The following PKIB variants were observed in gnomAD, a reference collection of about 807,000 sequenced individuals.
PKIB encodes PKI-beta.
PKIB carries 2 observed loss-of-function variants against 4.5 expected under a neutral mutation model. That is an observed-to-expected ratio of 0.44 (90% CI 0.18 to 1.39). PKIB has a LOEUF of 1.39. PKIB is among the 40% of genes most tolerant of loss of function. The probability of loss-of-function intolerance (pLI) is 0.27; values close to 1 mark genes in which losing one functional copy is unlikely to be tolerated. For synonymous variants in PKIB, 38 were observed against 36.0 expected (o/e 1.06, Z -0.20); for missense variants, 94 against 92.6 (o/e 1.02, Z -0.06).
At chr6:122,575,730 G>A (rs1337629616) in intron 2 of PKIB, among the ~76,000 whole-genome samples, 1 of 152,154 alleles carries the variant, frequency 6.6e-6, no homozygotes, top group Non-Finnish European at 1.5e-5. Context: ...CGATGCAAAG[G>A]CATAACAGTA....
At chr6:122,517,099 T>C (rs761322503) in intron 2 of PKIB, among the ~76,000 whole-genome samples, 2 of 152,210 alleles carry the variant, frequency 1.3e-5, no homozygotes, top group Non-Finnish European at 2.9e-5. Context: ...CGGATTATGT[T>C]TCTGTTTTTT....
rs925985365 is a variant in PKIB at position 122,529,482 on chromosome 6, C to T, written c.-248+51543C>T. 9.2e-5 allele frequency among the ~76,000 whole-genome samples: 14 copies of T among 152,068 alleles called. No homozygotes were observed. The South Asian group carries it at 1.2e-3, about 13-fold the overall frequency. On this transcript the variant is annotated intron_variant, in intron 2 of 6. Transcript: ENST00000392491. ...ATCAAAATTACAATAATACAAGTCA[C>T]GATATTTGTCTATAAATTTACCTTT...
intron 2 of PKIB, among the ~76,000 whole-genome samples, chr6:122,658,521 T>C (rs986411826): frequency 5.3e-5 from 8 of 152,152 alleles, no homozygotes; most frequent in African/African-American, 1.9e-4. Context: ...CCTTCATTCA[T>C]TTATACTCTT....
intron 2 of PKIB, among the ~76,000 whole-genome samples, chr6:122,492,218 A>G (rs1467423731): frequency 6.6e-6 from 1 of 152,192 alleles, no homozygotes; most frequent in Non-Finnish European, 1.5e-5. Flanking sequence ...CTAAACACAG[A>G]AGGAGGAGTT....
At chr6:122,642,915 C>T (rs990003170) in intron 2 of PKIB, among the ~76,000 whole-genome samples, 6 of 152,108 alleles carry the variant, frequency 3.9e-5, no homozygotes, top group African/African-American at 1.4e-4. Context: ...CACCAAATTC[C>T]TCATTACATC....
chr6:122,649,507 C>T (rs1253288145), intron 2 of PKIB, among the ~76,000 whole-genome samples: 1 of 152,164 alleles, frequency 6.6e-6, no homozygotes, highest in African/African-American at 2.4e-5. Context: ...TAGGTACTGA[C>T]TGGTAGAGAG....
rs1345822382 is a variant in PKIB at position 122,576,689 on chromosome 6, A to AAAAAAAATATATATAT, written c.-247-9231_-247-9230insAAAAAATATATATATA. Among the ~76,000 whole-genome samples the AAAAAAAATATATATAT allele has an allele frequency of 1.8e-3, 61 of 34,302 alleles. 2 individuals carry two copies. The highest frequency in any genetic ancestry group is 2.4e-3 in the Non-Finnish European group (52 of 21,450). The allele number at this position is 34,302 out of a possible 152,430, so 22.5% of individuals were successfully genotyped here. A position where few individuals can be genotyped will look rare whatever the true frequency, so the allele number is the denominator to read the frequency against. On this transcript the variant is annotated intron_variant, in intron 2 of 6. Coordinates refer to the PKIB transcript ENST00000392491. ...ATCTCAAAAAAAAAAAAAAAAAAAA[A>AAAAAAAATATATATAT]ATATATATATATATATATATATTTT...
At chr6:122,660,254 C>T (rs571019680) in intron 2 of PKIB, among the ~76,000 whole-genome samples, 2 of 152,196 alleles carry the variant, frequency 1.3e-5, no homozygotes, top group South Asian at 4.1e-4. Context: ...GCCCATGTTG[C>T]CCTTTACTTT....
chr6:122,645,175 T>C (rs1776263536), intron 2 of PKIB, among the ~76,000 whole-genome samples: 1 of 152,252 alleles, frequency 6.6e-6, no homozygotes, highest in South Asian at 2.1e-4. Flanking sequence ...AGGGTTATCA[T>C]ACACACATAA....
At chr6:122,515,250 A>G (rs930292093) in intron 2 of PKIB, among the ~76,000 whole-genome samples, 3 of 152,218 alleles carry the variant, frequency 2.0e-5, no homozygotes, top group Non-Finnish European at 4.4e-5. Flanking sequence ...ACAATAAAAT[A>G]CAAAAATGTG....
chr6:122,509,941 T>A (rs1458689043), intron 2 of PKIB, among the ~76,000 whole-genome samples: 2 of 151,900 alleles, frequency 1.3e-5, no homozygotes, highest in Non-Finnish European at 2.9e-5. Flanking sequence ...AATTCTTTTA[T>A]GGCCTTGGGT....
chr6:122,520,670 C>CT (rs1482418321), intron 2 of PKIB, among the ~76,000 whole-genome samples: 1 of 125,644 alleles, frequency 8.0e-6, no homozygotes, highest in Non-Finnish European at 1.6e-5. Context: ...TTCCCACCCC[C>CT]CCCCCACCAA....
At chr6:122,566,349 A>G (rs990732424) in intron 2 of PKIB, among the ~76,000 whole-genome samples, 3 of 152,112 alleles carry the variant, frequency 2.0e-5, no homozygotes, top group African/African-American at 7.2e-5. Context: ...TTCTGAGCCT[A>G]GTTTTGTTAT....
chr6:122,492,525 G>A (rs1775966128), intron 2 of PKIB, among the ~76,000 whole-genome samples: 1 of 152,070 alleles, frequency 6.6e-6, no homozygotes, highest in African/African-American at 2.4e-5. Flanking sequence ...CCAGAGTAAT[G>A]GACTTAAGAG....
chr6:122,670,498 T>TTTG (rs61201088), intron 2 of PKIB, among the ~76,000 whole-genome samples: 42,338 of 151,072 alleles, frequency 0.28, 6,591 homozygotes, highest in Middle Eastern at 0.35. Context: ...ATCACATGTT[T>TTTG]TTGTTGTTGT....
chr6:122,576,711 T>TATAGATATATATATATA (rs1554221348), intron 2 of PKIB, among the ~76,000 whole-genome samples: 1 of 75,700 alleles, frequency 1.3e-5, no homozygotes, highest in Non-Finnish European at 2.7e-5. Flanking sequence ...TATATATATA[T>TATAGATATATATATATA]TTTCTTTTGT....
At chr6:122,475,393 C>T (rs1223571502) in intron 1 of PKIB, among the ~76,000 whole-genome samples, 1 of 152,176 alleles carries the variant, frequency 6.6e-6, no homozygotes, top group Non-Finnish European at 1.5e-5. Flanking sequence ...CAGTGACTCA[C>T]ATCTTATTTC....
chr6:122,660,092 G>T (rs1318626083), intron 2 of PKIB, among the ~76,000 whole-genome samples: 1 of 152,144 alleles, frequency 6.6e-6, no homozygotes, highest in East Asian at 1.9e-4. Flanking sequence ...AAATGAGAAG[G>T]CTAAGCACTG....
upstream of PKIB, among the ~76,000 whole-genome samples, chr6:122,606,571 C>CAGAAAAAAAA: frequency 8.4e-6 from 1 of 119,564 alleles, no homozygotes; most frequent in East Asian, 2.4e-4. Flanking sequence ...GACTCTGTCT[C>CAGAAAAAAAA]AAAAAAGAAA....
Sources: gnomAD v4.1 joint callset for allele counts (sites outside exome capture counted in the v4.1 genomes callset) on GRCh38, gnomAD v4.1.1 for gene constraint, MANE v1.5 for transcripts, NCBI Gene and HGNC (gene_info 2026-07-23, HGNC 2026-07-21) for gene names.